Variants in SEM1 observed in about 807,000 individuals in gnomAD.
SEM1 encodes the protein SEM1 26S proteasome subunit.
In SEM1, 3 loss-of-function variants were observed where a neutral mutation model predicts 12.7. The observed-to-expected ratio is 0.24, with a 90% CI of 0.11 to 0.61. The LOEUF (loss-of-function observed/expected upper bound fraction) is 0.61. Among genes scored for constraint, SEM1 ranks in the 20% least tolerant of loss-of-function variants. The pLI is 0.88. For synonymous variants in SEM1, 30 were observed against 27.8 expected, an observed-to-expected ratio of 1.08 and a Z score of -0.25; for missense variants, 59 against 81.3, an observed-to-expected ratio of 0.73 and a Z score of 1.06.
chr7:96,545,310 G>A (rs1805073684), intron 2 of SEM1, among the ~76,000 whole-genome samples: 1 of 151,958 alleles, frequency 6.6e-6, no homozygotes, highest in Admixed American at 6.6e-5. Context: ...TTAAAGAGGA[G>A]TAATGGTTCA....
intron 2 of SEM1, among the ~76,000 whole-genome samples, chr7:96,515,639 A>C (rs113016344): frequency 0.035 from 5,256 of 152,294 alleles, 301 homozygotes; most frequent in African/African-American, 0.12. Flanking sequence ...ATGTCCATCA[A>C]TGATAGACTG....
intron 2 of SEM1, among the ~76,000 whole-genome samples, chr7:96,634,144 T>C (rs917369543): frequency 7.2e-5 from 11 of 151,982 alleles, no homozygotes; most frequent in East Asian, 1.9e-4. Flanking sequence ...CCTATGAAAA[T>C]TGAGCAAATA....
chr7:96,644,709 C>T (rs1808726882), intron 2 of SEM1, among the ~76,000 whole-genome samples: 1 of 152,128 alleles, frequency 6.6e-6, no homozygotes, highest in African/African-American at 2.4e-5. Context: ...ACGTGGAGCA[C>T]TCACAGACAA....
At chr7:96,661,254 G>A (rs1026517743) in intron 2 of SEM1, among the ~76,000 whole-genome samples, 3 of 152,066 alleles carry the variant, frequency 2.0e-5, no homozygotes, top group African/African-American at 7.2e-5. Context: ...AAGATCTCTG[G>A]GAAGTCCATA....
intron 2 of SEM1, among the ~76,000 whole-genome samples, chr7:96,589,635 G>T (rs922016430): frequency 6.6e-6 from 1 of 152,068 alleles, no homozygotes; most frequent in Non-Finnish European, 1.5e-5. Context: ...ATGTTTGCAG[G>T]TATTAAATTC....
At chr7:96,552,237 T>C (rs889690463) in intron 2 of SEM1, among the ~76,000 whole-genome samples, 1 of 151,904 alleles carries the variant, frequency 6.6e-6, no homozygotes. Flanking sequence ...CATGTGCACA[T>C]TGTGCAGGTT....
intron 2 of SEM1, among the ~76,000 whole-genome samples, chr7:96,527,345 C>T (rs761447357): frequency 3.3e-5 from 5 of 152,046 alleles, no homozygotes; most frequent in African/African-American, 9.7e-5. Context: ...CCTGGGTAAA[C>T]GGTGTCACTT....
intron 2 of SEM1, among the ~76,000 whole-genome samples, chr7:96,511,613 T>C (rs141890023): frequency 6.6e-6 from 1 of 152,204 alleles, no homozygotes; most frequent in Non-Finnish European, 1.5e-5. Flanking sequence ...GAATGTCATA[T>C]TGAAGATTTT....
chr7:96,494,842 G>T (rs558401451), intron 1 of SEM1, among the ~76,000 whole-genome samples: 3 of 138,376 alleles, frequency 2.2e-5, no homozygotes, highest in South Asian at 2.6e-4. Context: ...CAGAAGTTCA[G>T]ATAAGTGAGA....
At chr7:96,585,996 T>C (rs1260747637) in intron 2 of SEM1, among the ~76,000 whole-genome samples, 1 of 152,202 alleles carries the variant, frequency 6.6e-6, no homozygotes, top group African/African-American at 2.4e-5. Context: ...TTTTTAAAAT[T>C]ATTTCAGTTT....
In SEM1 at chr7:96,562,150, A is replaced by G. The variant is rs181778447; in HGVS notation, c.171-55452T>C. ...TTTAGAGAGAGTTAAATGGAAAGCCATCTTTCTCTTGCCATAATGACCTTA... is the reference window on the plus strand; with the variant it reads ...TTTAGAGAGAGTTAAATGGAAAGCCGTCTTTCTCTTGCCATAATGACCTTA... On this transcript the variant is annotated intron_variant and NMD_transcript_variant, in intron 2 of 3. Coordinates refer to the SEM1 transcript ENST00000466986. Among the ~76,000 whole-genome samples, 310 of 152,328 alleles carry G rather than the reference A, an allele frequency of 2.0e-3. 1 individual carries two copies. Among genetic ancestry groups the G allele is most frequent in the African/African-American group, 7.2e-3 (299 of 41,578 alleles).
intron 2 of SEM1, among the ~76,000 whole-genome samples, chr7:96,690,308 A>C (rs1283394478): frequency 1.3e-5 from 2 of 152,170 alleles, no homozygotes; most frequent in Non-Finnish European, 2.9e-5. Context: ...AAGTATACCA[A>C]ATCTGTCCTT....
chr7:96,640,574 G>T lies in SEM1; in HGVS notation c.171-17931C>A, dbSNP rs1808560768. Among the ~76,000 whole-genome samples, 1 of 151,970 alleles carries T rather than the reference G, an allele frequency of 6.6e-6. No individual in the cohort carries two copies. Among genetic ancestry groups the T allele is most frequent in the Non-Finnish European group, 1.5e-5 (1 of 67,954 alleles). On this transcript the variant is annotated intron_variant, in intron 2 of 2. Transcript: ENST00000417009. This position sits in a 1 kb window ranked among gnomAD's most constrained non-coding sequence, Gnocchi z 4.0. ...TAGTGGTTGGCAGGGGGTAGTGGGA[G>T]GGAGAGATGAATAGGTGGAGAACAG...
intron 1 of SEM1, among the ~76,000 whole-genome samples, chr7:96,706,063 G>T (rs970997008): frequency 6.6e-6 from 1 of 152,082 alleles, no homozygotes; most frequent in Non-Finnish European, 1.5e-5. Context: ...AGAAGTTGGA[G>T]GCTGTATATC....
chr7:96,707,811 TA>T (rs1319913444), intron 1 of SEM1, among the ~76,000 whole-genome samples: 1 of 152,188 alleles, frequency 6.6e-6, no homozygotes, highest in African/African-American at 2.4e-5. Context: ...AGATCGTTTT[TA>T]AGCAGTCAAT....
chr7:96,574,764 AT>A (rs2116009869), intron 2 of SEM1, among the ~76,000 whole-genome samples: 1 of 152,102 alleles, frequency 6.6e-6, no homozygotes, highest in South Asian at 2.1e-4. Flanking sequence ...AGCTATTGAT[AT>A]TTATGTATGC....
chr7:96,667,807 A>T (rs2116563753), intron 2 of SEM1, among the ~76,000 whole-genome samples: 1 of 152,356 alleles, frequency 6.6e-6, no homozygotes, highest in East Asian at 1.9e-4. Flanking sequence ...TACCACTTGA[A>T]AAATATTGTA....
intron 2 of SEM1, among the ~76,000 whole-genome samples, chr7:96,691,292 G>T (rs10249092): frequency 0.33 from 50,388 of 151,948 alleles, 9,816 homozygotes; most frequent in African/African-American, 0.55. Flanking sequence ...GGGGGCCTGC[G>T]ACATGGACAG....
chr7:96,497,086 T>C (rs751795874), upstream of SEM1, among the ~76,000 whole-genome samples: 18 of 151,996 alleles, frequency 1.2e-4, no homozygotes, highest in Non-Finnish European at 7.4e-5. Flanking sequence ...AATGTAATAA[T>C]GCTTAATATT....
Sources: gnomAD v4.1 joint callset for allele counts (sites outside exome capture counted in the v4.1 genomes callset) on GRCh38, gnomAD v4.1.1 for gene constraint, Gnocchi (gnomAD v3.1) non-coding constraint, MANE v1.5 for transcripts, NCBI Gene and HGNC (gene_info 2026-07-23, HGNC 2026-07-21) for gene names.